CHST11: variants seen among roughly 807,000 people sequenced by gnomAD.
The protein encoded by CHST11 is C4S-1.
In CHST11, 9 loss-of-function variants were observed where a neutral mutation model predicts 30.4. The observed-to-expected ratio is 0.30, with a 90% CI of 0.18 to 0.52. The LOEUF (loss-of-function observed/expected upper bound fraction) is 0.52. Among genes scored for constraint, CHST11 ranks in the 20% least tolerant of loss-of-function variants. The probability of loss-of-function intolerance (pLI) is 0.97; values close to 1 mark genes in which losing one functional copy is unlikely to be tolerated. For synonymous variants in CHST11, 152 were observed against 187.8 expected, an observed-to-expected ratio of 0.81 and a Z score of 1.56; for missense variants, 348 against 460.6, an observed-to-expected ratio of 0.76 and a Z score of 2.24.
At chr12:104,550,489 T>A (rs550968420) in intron 1 of CHST11, among the ~76,000 whole-genome samples, 2 of 152,320 alleles carry the variant, frequency 1.3e-5, no homozygotes, top group South Asian at 4.1e-4. Flanking sequence ...TCACAACTTT[T>A]CAGTTGTGCA....
In CHST11 at chr12:104,757,689, C is replaced by G; in HGVS notation, c.945C>G (p.Thr315=). Residue 315 remains threonine (T), a synonymous_variant, in exon 3 of 3, where the codon ACC becomes ACG. Coordinates refer to ENST00000303694, the MANE Select transcript of CHST11 (RefSeq NM_018413.6). This position sits in a 1 kb window ranked among gnomAD's most constrained non-coding sequence, Gnocchi z 6.5. ...CTACGAGAACTACTGATGAAATGAC[C>G]ACAGAATTCTTCCAGAACATCAGCT... is the stretch of plus-strand genomic sequence containing the variant. The part of the protein sequence containing the change: ...AKSTRTTDEM[T]TEFFQNISSE... 1.9e-6 allele frequency: 3 copies of G among 1,614,084 alleles called. No individual in the cohort carries two copies. Among genetic ancestry groups the G allele is most frequent in the Non-Finnish European group, 2.5e-6 (3 of 1,180,030 alleles).
rs142772127 is a variant in CHST11, at chr12:104,468,301, C to T, written c.118+10772C>T. Among the ~76,000 whole-genome samples, 703 of 152,114 alleles carry T rather than the reference C, an allele frequency of 4.6e-3. 1 individual carries two copies. Among genetic ancestry groups the T allele is most frequent in the Non-Finnish European group, 7.7e-3 (526 of 67,990 alleles). ...AAGATATTTATTGGATATTATTTAC[C>T]GAAGGCCAACTTGGGTCAGGCATTG... On this transcript the variant is annotated intron_variant, in intron 1 of 2. Transcript: ENST00000303694.
At chr12:104,578,644 G>T (rs117407014) in intron 1 of CHST11, among the ~76,000 whole-genome samples, 1 of 152,318 alleles carries the variant, frequency 6.6e-6, no homozygotes, top group Non-Finnish European at 1.5e-5. Context: ...AGTCCTGTCT[G>T]ATACTATTTA....
intron 1 of CHST11, chr12:104,514,137 T>G (rs2037997235): frequency 8.4e-7 from 1 of 1,192,616 alleles, no homozygotes; most frequent in Non-Finnish European, 1.2e-6. Flanking sequence ...AGAGAATTCA[T>G]CTAAACAGCC....
chr12:104,754,090 A>G (rs1386719733), intron 2 of CHST11, among the ~76,000 whole-genome samples: 2 of 152,174 alleles, frequency 1.3e-5, no homozygotes, highest in Non-Finnish European at 2.9e-5. Context: ...TCTGTGAATA[A>G]CCAGAGGTCG....
chr12:104,589,527 G>A (rs897086876), intron 1 of CHST11, among the ~76,000 whole-genome samples: 1 of 152,174 alleles, frequency 6.6e-6, no homozygotes, highest in African/African-American at 2.4e-5. Flanking sequence ...GTTGGTGATA[G>A]TTGCACAAGA....
At chr12:104,622,415 A>T (rs2136061459) in intron 2 of CHST11, among the ~76,000 whole-genome samples, 1 of 152,306 alleles carries the variant, frequency 6.6e-6, no homozygotes, top group Admixed American at 6.5e-5. Context: ...TCATGAAATG[A>T]TTATATAATT....
chr12:104,650,010 T>A (rs1311291348), intron 2 of CHST11, among the ~76,000 whole-genome samples: 2 of 152,166 alleles, frequency 1.3e-5, no homozygotes, highest in South Asian at 4.1e-4. Context: ...AGAAGAAAAT[T>A]TCCCCCACAG....
intron 2 of CHST11, among the ~76,000 whole-genome samples, chr12:104,750,497 A>C (rs1026834148): frequency 1.6e-4 from 20 of 126,530 alleles, no homozygotes; most frequent in Non-Finnish European, 2.8e-4. Context: ...GCCGGAGTGC[A>C]ATGGTGCAAT....
chr12:104,756,534 T>G (rs75926984), intron 2 of CHST11, among the ~76,000 whole-genome samples: 61 of 136,804 alleles, frequency 4.5e-4, no homozygotes, highest in East Asian at 3.0e-4. Context: ...CCATGTGGGG[T>G]GTGTGTGTGT....
At chr12:104,577,251 T>C (rs1215931261) in intron 1 of CHST11, among the ~76,000 whole-genome samples, 1 of 149,238 alleles carries the variant, frequency 6.7e-6, no homozygotes, top group Non-Finnish European at 1.5e-5. Flanking sequence ...TTTTTTTTTT[T>C]TTTTTTTTTT....
intron 1 of CHST11, among the ~76,000 whole-genome samples, chr12:104,571,918 C>A (rs1447467164): frequency 7.0e-6 from 1 of 143,512 alleles, no homozygotes; most frequent in Non-Finnish European, 1.5e-5. Flanking sequence ...GAGTTTTTAG[C>A]ATGAAGGGTT....
intron 1 of CHST11, among the ~76,000 whole-genome samples, chr12:104,492,173 T>C (rs1332291227): frequency 6.6e-6 from 1 of 152,198 alleles, no homozygotes; most frequent in Non-Finnish European, 1.5e-5. Flanking sequence ...CTCTGCTCAC[T>C]GCAAGCTCCA....
At chr12:104,666,197 A>G (rs1002253782) in intron 2 of CHST11, among the ~76,000 whole-genome samples, 8 of 152,266 alleles carry the variant, frequency 5.3e-5, no homozygotes, top group East Asian at 1.9e-4. Flanking sequence ...ACTAATTGCA[A>G]GTTCTGTTTG....
At chr12:104,615,700 G>A (rs949203568) in intron 2 of CHST11, among the ~76,000 whole-genome samples, 1 of 152,224 alleles carries the variant, frequency 6.6e-6, no homozygotes, top group South Asian at 2.1e-4. Context: ...GCTGAGGTGG[G>A]CAGATCACTT....
At chr12:104,637,427 G>A (rs1479833610) in intron 2 of CHST11, among the ~76,000 whole-genome samples, 2 of 149,398 alleles carry the variant, frequency 1.3e-5, no homozygotes, top group Non-Finnish European at 3.0e-5. Context: ...CATGGCACAT[G>A]TATACATATG....
chr12:104,705,727 C>G (rs1158854564), intron 2 of CHST11, among the ~76,000 whole-genome samples: 1 of 151,844 alleles, frequency 6.6e-6, no homozygotes, highest in Non-Finnish European at 1.5e-5. Context: ...TTGAGAACAG[C>G]CTGGCCAACA....
chr12:104,486,691 C>G (rs7956477), intron 1 of CHST11, among the ~76,000 whole-genome samples: 57,237 of 151,922 alleles, frequency 0.38, 11,221 homozygotes, highest in East Asian at 0.65. Flanking sequence ...CGCTCCCTGG[C>G]ACAAACCGAA....
intron 1 of CHST11, among the ~76,000 whole-genome samples, chr12:104,597,400 C>T (rs1484691058): frequency 6.6e-6 from 1 of 152,076 alleles, no homozygotes; most frequent in African/African-American, 2.4e-5. Context: ...CAGCAGAAGC[C>T]TGCCGTTAAA....
Sources: gnomAD v4.1 joint callset for allele counts (sites outside exome capture counted in the v4.1 genomes callset) on GRCh38, gnomAD v4.1.1 for gene constraint, Gnocchi (gnomAD v3.1) non-coding constraint, MANE v1.5 for transcripts, NCBI Gene and HGNC (gene_info 2026-07-23, HGNC 2026-07-21) for gene names.